Variants in PDE7B observed in about 807,000 individuals in gnomAD.
PDE7B encodes 3',5'-cyclic-AMP phosphodiesterase 7B.
Under a neutral mutation model 56.2 loss-of-function variants are expected in PDE7B, and 29 were observed. That is an observed-to-expected ratio of 0.52 (90% CI 0.38 to 0.70). PDE7B has a LOEUF of 0.70. Among genes scored for constraint, PDE7B ranks in the 30% least tolerant of loss-of-function variants. The probability of loss-of-function intolerance (pLI) is 0.00; values close to 1 mark genes in which losing one functional copy is unlikely to be tolerated. For synonymous variants in PDE7B, 197 were observed against 196.9 expected (o/e 1.00, Z 0.00); for missense variants, 490 against 565.0 (o/e 0.87, Z 1.35).
At chr6:135,900,528 C>A (rs1775980779) in intron 1 of PDE7B, among the ~76,000 whole-genome samples, 1 of 151,910 alleles carries the variant, frequency 6.6e-6, no homozygotes, top group African/African-American at 2.4e-5. Context: ...AGTTTTCTTT[C>A]AATTCTACCC....
intron 7 of PDE7B, among the ~76,000 whole-genome samples, chr6:136,155,366 C>T (rs1294758641): frequency 6.6e-6 from 1 of 152,140 alleles, no homozygotes; most frequent in Non-Finnish European, 1.5e-5. Flanking sequence ...AACAACAAAA[C>T]AAAACAGAGT....
intron 1 of PDE7B, among the ~76,000 whole-genome samples, chr6:135,904,891 T>G (rs1450231147): frequency 6.6e-6 from 1 of 152,222 alleles, no homozygotes; most frequent in African/African-American, 2.4e-5. Context: ...AAAATTGATT[T>G]GCTCTTTGTA....
chr6:136,090,935 C>T (rs1177926176), intron 2 of PDE7B, among the ~76,000 whole-genome samples: 1 of 152,164 alleles, frequency 6.6e-6, no homozygotes, highest in Non-Finnish European at 1.5e-5. Flanking sequence ...ACAGAGCCTC[C>T]CCTAACACAC....
intron 2 of PDE7B, among the ~76,000 whole-genome samples, chr6:135,951,778 T>C (rs1431885443): frequency 6.6e-6 from 1 of 152,178 alleles, no homozygotes; most frequent in African/African-American, 2.4e-5. Flanking sequence ...TCATGTATGA[T>C]TTCTTTCATG....
chr6:136,182,751 G>T (rs1779086176), intron 11 of PDE7B, among the ~76,000 whole-genome samples: 1 of 152,150 alleles, frequency 6.6e-6, no homozygotes, highest in African/African-American at 2.4e-5. Context: ...ACAGTAAATG[G>T]TATCAACCAA....
At chr6:136,008,754 A>G (rs1383539617) in intron 2 of PDE7B, among the ~76,000 whole-genome samples, 15 of 151,952 alleles carry the variant, frequency 9.9e-5, no homozygotes, top group Admixed American at 2.6e-4. Flanking sequence ...AGATGAGTAG[A>G]TTGCAAAAAT....
At chr6:136,084,877 T>G (rs1777264725) in intron 2 of PDE7B, among the ~76,000 whole-genome samples, 1 of 152,208 alleles carries the variant, frequency 6.6e-6, no homozygotes, top group South Asian at 2.1e-4. Context: ...GGGGTTCATT[T>G]CATTTCAATT....
At chr6:136,173,767 A>G in intron 8 of PDE7B, 30 bp from the exon 9 acceptor site, 1 of 1,433,666 alleles carries the variant, frequency 7.0e-7, no homozygotes, top group Non-Finnish European at 9.8e-7. Flanking sequence ...CTTCCCTCTC[A>G]TTTATAACTC....
At chr6:135,953,074 T>A (rs922334169) in intron 2 of PDE7B, among the ~76,000 whole-genome samples, 3 of 152,138 alleles carry the variant, frequency 2.0e-5, no homozygotes, top group Non-Finnish European at 4.4e-5. Flanking sequence ...TTTAAAAACA[T>A]GTTAATTCTA....
At chr6:136,001,515 G>A (rs1330827681) in intron 2 of PDE7B, among the ~76,000 whole-genome samples, 4 of 152,212 alleles carry the variant, frequency 2.6e-5, no homozygotes, top group Non-Finnish European at 5.9e-5. Flanking sequence ...AGGAGCTGAT[G>A]GAGCTGAAAG....
chr6:135,889,393 G>A (rs934555731), intron 1 of PDE7B, among the ~76,000 whole-genome samples: 16 of 151,162 alleles, frequency 1.1e-4, no homozygotes, highest in Non-Finnish European at 2.2e-4. Flanking sequence ...GCCTCCCAAA[G>A]TGCTGGGATT....
At chr6:136,070,632 T>C (rs185766118) in intron 2 of PDE7B, among the ~76,000 whole-genome samples, 254 of 152,322 alleles carry the variant, frequency 1.7e-3, no homozygotes, top group African/African-American at 6.0e-3. Flanking sequence ...ATTCATTTAA[T>C]TTAAAAAACA....
chr6:136,160,852 C>T (rs777001233), intron 8 of PDE7B, among the ~76,000 whole-genome samples: 10 of 152,000 alleles, frequency 6.6e-5, no homozygotes, highest in Non-Finnish European at 1.3e-4. Context: ...CAGATACATA[C>T]GGAGTGCTGA....
At chr6:136,041,926 T>A (rs762437278) in intron 2 of PDE7B, among the ~76,000 whole-genome samples, 2 of 152,164 alleles carry the variant, frequency 1.3e-5, no homozygotes, top group Non-Finnish European at 2.9e-5. Flanking sequence ...TCCACAGAAC[T>A]CATGTGGTCA....
intron 2 of PDE7B, among the ~76,000 whole-genome samples, chr6:136,036,831 C>G (rs1455837478): frequency 2.0e-5 from 3 of 152,188 alleles, no homozygotes; most frequent in Non-Finnish European, 4.4e-5. Context: ...CAATGTTCTC[C>G]AAGAAAACAG....
intron 3 of PDE7B, among the ~76,000 whole-genome samples, chr6:136,122,227 C>T (rs371439074): frequency 5.9e-5 from 9 of 152,064 alleles, no homozygotes; most frequent in African/African-American, 2.2e-4. Context: ...GATCTCCTGA[C>T]CCCATGATCC....
At chr6:135,877,374 T>C (rs2128188011) in intron 1 of PDE7B, among the ~76,000 whole-genome samples, 1 of 146,686 alleles carries the variant, frequency 6.8e-6, no homozygotes, top group East Asian at 1.9e-4. Context: ...TTTTTTTTTT[T>C]TCACCTTAGA....
At chr6:136,165,605 C>CAT (rs1165123149) in intron 8 of PDE7B, 1 of 152,158 alleles carries the variant, frequency 6.6e-6, no homozygotes, top group African/African-American at 2.4e-5. Context: ...TACAATCTGT[C>CAT]ATCTCTTGGT....
At chr6:136,131,492 AG>A (rs1371443692) in intron 3 of PDE7B, among the ~76,000 whole-genome samples, 8 of 125,220 alleles carry the variant, frequency 6.4e-5, no homozygotes, top group Non-Finnish European at 9.9e-5. Flanking sequence ...GCATCCTGGC[AG>A]GTTTTTTTTT....
Sources: allele counts gnomAD v4.1 joint callset (sites outside exome capture counted in the v4.1 genomes callset), GRCh38; gene constraint gnomAD v4.1.1; transcripts MANE v1.5; gene names NCBI Gene and HGNC (gene_info 2026-07-23, HGNC 2026-07-21).